Variants in MTHFD1 observed in about 807,000 individuals in gnomAD.
MTHFD1 encodes the protein methylenetetrahydrofolate dehydrogenase, cyclohydrolase and formyltetrahydrofolate synthetase 1.
Under a neutral mutation model 110.3 loss-of-function variants are expected in MTHFD1, and 44 were observed. The ratio of observed to expected loss-of-function variants is 0.40; its 90% confidence interval spans 0.31 to 0.51. The LOEUF (loss-of-function observed/expected upper bound fraction) is 0.51, where lower values mean the gene tolerates loss of function less well. MTHFD1 is among the 20% of genes least tolerant of loss of function. MTHFD1 has a pLI of 0.60. For synonymous variants in MTHFD1, 402 were observed against 428.8 expected (o/e 0.94, Z 0.77); for missense variants, 909 against 1,173.1 (o/e 0.77, Z 3.29).
At chr14:64,459,215 A>C (rs1361685365) in intron 27 of MTHFD1, among the ~76,000 whole-genome samples, 6 of 152,230 alleles carry the variant, frequency 3.9e-5, no homozygotes, top group Non-Finnish European at 8.8e-5. Flanking sequence ...GTACTTAGCA[A>C]AATGAGGAAT....
Position 64,449,504 on chromosome 14 carries a change from T to C in MTHFD1, c.2339T>C (p.Phe780Ser). The change falls in exon 24 of 28, where the codon TTT (phenylalanine) becomes TCT (serine). Residue 780 changes from phenylalanine (F) to serine (S), a missense_variant. Physicochemically the swap from Phe to Ser is radical, Grantham distance 155. This residue lies in a region of MTHFD1 where 482 missense variants were observed against 646.0 expected (regional missense o/e 0.75). Transcript: ENST00000652337. ...ISRLSREHGA[F>S]DAVKCTHWAE... ...CGCCTTTCCAGAGAACATGGGGCTT[T>C]TGATGCCGTGAAGTGCACTCACTGG... 1.2e-6 allele frequency: 2 copies of C among 1,614,176 alleles called. No individual in the cohort carries two copies. Among genetic ancestry groups the C allele is most frequent in the South Asian group, 2.2e-5 (2 of 91,080 alleles).
intron 1 of MTHFD1, among the ~76,000 whole-genome samples, chr14:64,399,450 G>A (rs780032890): frequency 2.0e-5 from 3 of 152,004 alleles, no homozygotes; most frequent in Non-Finnish European, 4.4e-5. Context: ...CACGAAGTCA[G>A]GAGTTCGAGA....
At chr14:64,406,354 T>A (rs1204370947) in intron 2 of MTHFD1, among the ~76,000 whole-genome samples, 1 of 152,086 alleles carries the variant, frequency 6.6e-6, no homozygotes, top group Non-Finnish European at 1.5e-5. Flanking sequence ...TATATATTTT[T>A]AATAATATTT....
chr14:64,454,222 C>A lies in MTHFD1; in HGVS notation c.2565+361C>A, dbSNP rs549691061. Among the ~76,000 whole-genome samples the A allele has an allele frequency of 1.2e-4, 18 of 152,304 alleles. No homozygotes were observed. The South Asian group carries it at 3.3e-3, about 28-fold the overall frequency. On this transcript the variant is annotated intron_variant, in intron 25 of 27. Transcript: ENST00000652337. ...CTGACTCCTAGGCTCAAGCGATCCT[C>A]CCACCTCAGCCTCCTGAGTAGCTGC...
At chr14:64,428,102 G>GTT (rs11289659) in intron 12 of MTHFD1, among the ~76,000 whole-genome samples, 2,210 of 74,658 alleles carry the variant, frequency 0.03, 2 homozygotes, top group Non-Finnish European at 0.035. Flanking sequence ...AAGAACATGT[G>GTT]TTTTTTTTTT....
intron 6 of MTHFD1, among the ~76,000 whole-genome samples, 182 bp downstream of exon 6, chr14:64,415,921 G>A (rs923400023): frequency 1.3e-5 from 2 of 152,142 alleles, no homozygotes; most frequent in African/African-American, 4.8e-5. Flanking sequence ...CTGTGAAGTA[G>A]GTACTGTTAT....
intron 1 of MTHFD1, among the ~76,000 whole-genome samples, chr14:64,393,154 C>A (rs988199444): frequency 1.3e-5 from 2 of 152,110 alleles, no homozygotes; most frequent in African/African-American, 4.8e-5. Flanking sequence ...AATCCTAGGA[C>A]TTTGGGAGGC....
At chr14:64,426,436 C>A (rs1297721538) in intron 11 of MTHFD1, among the ~76,000 whole-genome samples, 1 of 152,144 alleles carries the variant, frequency 6.6e-6, no homozygotes, top group Non-Finnish European at 1.5e-5. Flanking sequence ...GGTCTTAAAA[C>A]CCGGTCTTAA....
chr14:64,407,171 A>C (rs1225453449), intron 2 of MTHFD1, among the ~76,000 whole-genome samples: 1 of 152,220 alleles, frequency 6.6e-6, no homozygotes. Flanking sequence ...TTTCATTATA[A>C]GAGATACTAA....
At chr14:64,396,893 A>G (rs2077853768) in intron 1 of MTHFD1, among the ~76,000 whole-genome samples, 1 of 148,120 alleles carries the variant, frequency 6.8e-6, no homozygotes, top group African/African-American at 2.5e-5. Context: ...TCACGAGGTC[A>G]GGAGATCGAG....
chr14:64,435,555 T>C lies in MTHFD1; in HGVS notation c.1495-14T>C. On this transcript the variant is annotated splice_polypyrimidine_tract_variant and intron_variant, in intron 15 of 27. Transcript: ENST00000652337. ...TTTGTCTTATTTTATGTTTTCATTT[T>C]CCTACACTTTCAGAGACTAGGCATT... is the stretch of plus-strand genomic sequence containing the variant. 1 of 1,519,834 alleles carries C rather than the reference T, an allele frequency of 6.6e-7. No individual in the cohort carries two copies. The highest frequency in any genetic ancestry group is 9.1e-7 in the Non-Finnish European group (1 of 1,094,318). 94.1% of individuals were successfully genotyped at this position (1,519,834 alleles called of 1,614,324 possible).
intron 8 of MTHFD1, among the ~76,000 whole-genome samples, chr14:64,422,615 A>C (rs1383788327): frequency 2.0e-5 from 3 of 152,114 alleles, no homozygotes; most frequent in South Asian, 2.1e-4. Flanking sequence ...CCCCACCCTA[A>C]TGCAATCCAG....
chr14:64,435,076 A>C lies in MTHFD1; in HGVS notation c.1495-493A>C, dbSNP rs148886214. The stretch of plus-strand genomic sequence containing the variant: ...GCAGTTCTGCTGTCTCAGCCTCCCA[A>C]GTAGCTGGGATTATAGTCACCCACC... On this transcript the variant is annotated intron_variant, in intron 15 of 27. Transcript: ENST00000652337. 5.7e-4 allele frequency among the ~76,000 whole-genome samples: 85 copies of C among 148,920 alleles called. 2 individuals carry two copies. In the East Asian group the frequency reaches 0.017, roughly 29 times the overall value.
intron 1 of MTHFD1, among the ~76,000 whole-genome samples, chr14:64,393,255 T>G (rs1400760980): frequency 1.3e-5 from 2 of 151,984 alleles, no homozygotes; most frequent in Non-Finnish European, 2.9e-5. Flanking sequence ...CAAAATTAGC[T>G]GGGCATGGTG....
At chr14:64,422,812 T>C (rs2078085312) in intron 8 of MTHFD1, 1 of 152,170 alleles carries the variant, frequency 6.6e-6, no homozygotes, top group Non-Finnish European at 1.5e-5. Context: ...TGAGGTCATA[T>C]GCTTAGGCTG....
In MTHFD1 at chr14:64,439,166, A is replaced by T. The variant is rs1003277813; in HGVS notation, c.1668A>T (p.Thr556=). 22 of 1,613,126 alleles carry T rather than the reference A, an allele frequency of 1.4e-5. No homozygotes were observed. In the African/African-American group the frequency reaches 2.4e-4, roughly 18 times the overall value. ...IGQAPTEKGH[T]RTAQFDISVA... ...AGGCTCCAACGGAGAAGGGTCACAC[A>T]CGGACGGTAACAATTTGTCCCTTTC... The change falls in exon 17 of 28, where the codon ACA becomes ACT. Residue 556 remains threonine, a synonymous_variant. Transcript: ENST00000652337.
At chr14:64,438,431 T>C (rs2078223077) in intron 16 of MTHFD1, among the ~76,000 whole-genome samples, 1 of 152,206 alleles carries the variant, frequency 6.6e-6, no homozygotes, top group Non-Finnish European at 1.5e-5. Context: ...ATGACAAAGG[T>C]CAAATATATT....
chr14:64,406,270 C>G (rs1281028665), intron 2 of MTHFD1, among the ~76,000 whole-genome samples: 3 of 151,498 alleles, frequency 2.0e-5, no homozygotes, highest in African/African-American at 7.3e-5. Flanking sequence ...AACTCCTGAC[C>G]TCAGGTGATC....
intron 26 of MTHFD1, among the ~76,000 whole-genome samples, chr14:64,455,663 A>G (rs932698438): frequency 6.6e-6 from 1 of 152,240 alleles, no homozygotes; most frequent in Admixed American, 6.5e-5. Flanking sequence ...AAAAGAAACC[A>G]ACATACATCC....
Sources: gnomAD v4.1 joint callset for allele counts (sites outside exome capture counted in the v4.1 genomes callset) on GRCh38, gnomAD v4.1.1 for gene constraint, gnomAD v4.1.1 regional missense constraint, MANE v1.5 for transcripts, NCBI Gene and HGNC (gene_info 2026-07-23, HGNC 2026-07-21) for gene names.